IGSF21: variants seen among roughly 807,000 people sequenced by gnomAD.
IGSF21 encodes the protein immunoglobin superfamily member 21, also known as immunoglobulin superfamily member 21.
A neutral mutation model predicts 46.8 loss-of-function variants in IGSF21; 28 were observed. That is an observed-to-expected ratio of 0.60 (90% CI 0.44 to 0.82). IGSF21 has a LOEUF of 0.82. IGSF21 is among the 40% of genes least tolerant of loss of function. The probability of loss-of-function intolerance (pLI) is 0.00; values close to 1 mark genes in which losing one functional copy is unlikely to be tolerated. For missense variants in IGSF21, 624 were observed against 665.5 expected (o/e 0.94, Z 0.69); for synonymous variants, 284 against 273.6 (o/e 1.04, Z -0.38).
intron 2 of IGSF21, among the ~76,000 whole-genome samples, chr1:18,233,418 A>G (rs1336105971): frequency 6.6e-6 from 1 of 152,136 alleles, no homozygotes; most frequent in Non-Finnish European, 1.5e-5. Context: ...AGAGGCTGGG[A>G]AGGCTGAGGT....
intron 2 of IGSF21, among the ~76,000 whole-genome samples, chr1:18,272,631 G>A (rs2085053655): frequency 6.6e-6 from 1 of 152,216 alleles, no homozygotes; most frequent in Non-Finnish European, 1.5e-5. Context: ...CCATTTTCCA[G>A]CTTTGGAATG....
chr1:18,108,727 G>T (rs1203367451), intron 1 of IGSF21, among the ~76,000 whole-genome samples: 1 of 151,982 alleles, frequency 6.6e-6, no homozygotes, highest in Non-Finnish European at 1.5e-5. Flanking sequence ...GGGTATGTGA[G>T]GTTTGGCGTT....
chr1:18,376,694 C>T (rs1196917996), intron 7 of IGSF21, 106 bp from the exon 8 acceptor site: 24 of 1,097,132 alleles, frequency 2.2e-5, no homozygotes, highest in Admixed American at 6.8e-5. Context: ...CCTAACCCGT[C>T]GGATGAGAAT....
intron 2 of IGSF21, among the ~76,000 whole-genome samples, chr1:18,240,496 C>G (rs997007): frequency 0.27 from 40,592 of 152,138 alleles, 6,578 homozygotes; most frequent in Non-Finnish European, 0.35. Context: ...TTGAATGTCT[C>G]TCTCCCAGAA....
intron 4 of IGSF21, among the ~76,000 whole-genome samples, chr1:18,359,265 G>A (rs117463831): frequency 0.021 from 2,902 of 140,814 alleles, 70 homozygotes; most frequent in East Asian, 0.054. Context: ...GTAACAGAGC[G>A]AGACCCTGCC....
chr1:18,314,480 G>A (rs2124587687), intron 3 of IGSF21, among the ~76,000 whole-genome samples: 1 of 152,316 alleles, frequency 6.6e-6, no homozygotes, highest in South Asian at 2.1e-4. Flanking sequence ...TACTTTAATT[G>A]AGTGGGTTTG....
At chr1:18,219,614 T>C (rs1346463497) in intron 1 of IGSF21, among the ~76,000 whole-genome samples, 2 of 152,162 alleles carry the variant, frequency 1.3e-5, no homozygotes, top group Non-Finnish European at 2.9e-5. Flanking sequence ...GCTGCTTTGA[T>C]GTGAGCATGA....
At chr1:18,126,259 C>T (rs535857979) in intron 1 of IGSF21, among the ~76,000 whole-genome samples, 6 of 152,118 alleles carry the variant, frequency 3.9e-5, no homozygotes, top group Non-Finnish European at 8.8e-5. Context: ...GTTCCAGCTT[C>T]ACTTTGAATG....
Position 18,349,500 on chromosome 1 carries a change from G to A in IGSF21, c.425-12615G>A, listed in dbSNP as rs978377655. Among the ~76,000 whole-genome samples the A allele has an allele frequency of 3.3e-5, 5 of 152,124 alleles. No individual in the cohort carries two copies. In the South Asian group the frequency reaches 8.3e-4, roughly 25 times the overall value. ...CTGGTGAAGAGATAGGACAGGAGGC[G>A]CTGCAGGCAGAAGGAGCTATATAGG... On this transcript the variant is annotated intron_variant, in intron 4 of 9. Transcript: ENST00000251296.
intron 1 of IGSF21, among the ~76,000 whole-genome samples, chr1:18,201,543 C>T (rs1329978735): frequency 6.6e-6 from 1 of 152,126 alleles, no homozygotes; most frequent in Non-Finnish European, 1.5e-5. Context: ...TGGACAGCAC[C>T]CATGTCAACT....
chr1:18,131,118 T>C (rs1270113254), intron 1 of IGSF21, among the ~76,000 whole-genome samples: 5 of 152,130 alleles, frequency 3.3e-5, no homozygotes, highest in African/African-American at 9.7e-5. Context: ...GAAAAACCCC[T>C]CCAGAAAGAT....
At chr1:18,378,199 G>A (rs1024717455) in intron 9 of IGSF21, 57 bp from the exon 10 acceptor site, 6 of 1,453,246 alleles carry the variant, frequency 4.1e-6, no homozygotes, top group East Asian at 2.3e-5. Context: ...AGGCTCTGCT[G>A]TTCTGGAACG....
chr1:18,209,090 T>G (rs192506518), intron 1 of IGSF21, among the ~76,000 whole-genome samples: 22 of 152,218 alleles, frequency 1.4e-4, no homozygotes, highest in Admixed American at 1.4e-3. Context: ...TCTACATGAG[T>G]GTGCACATAA....
chr1:18,250,827 G>A (rs1483625403), intron 2 of IGSF21, among the ~76,000 whole-genome samples: 1 of 152,134 alleles, frequency 6.6e-6, no homozygotes, highest in Non-Finnish European at 1.5e-5. Context: ...AGACAAACAA[G>A]ATCTCTGCTT....
intron 1 of IGSF21, among the ~76,000 whole-genome samples, chr1:18,200,124 A>C (rs1364862422): frequency 6.6e-6 from 1 of 152,168 alleles, no homozygotes. Context: ...TTCTTGGTTC[A>C]CATCCGGGCT....
At chr1:18,366,385 G>A (rs2086164707) in intron 6 of IGSF21, among the ~76,000 whole-genome samples, 1 of 152,082 alleles carries the variant, frequency 6.6e-6, no homozygotes, top group Non-Finnish European at 1.5e-5. Flanking sequence ...AGCCTCAGGA[G>A]CACAAGAGAT....
At chr1:18,129,650 G>T (rs1206087487) in intron 1 of IGSF21, among the ~76,000 whole-genome samples, 1 of 152,230 alleles carries the variant, frequency 6.6e-6, no homozygotes, top group African/African-American at 2.4e-5. Context: ...AGCCTCAGCA[G>T]GTGCAGTCTC....
chr1:18,242,229 T>C (rs1489368165), intron 2 of IGSF21, among the ~76,000 whole-genome samples: 1 of 152,168 alleles, frequency 6.6e-6, no homozygotes, highest in African/African-American at 2.4e-5. Context: ...TCACCTACTC[T>C]CAGCACGGCA....
intron 6 of IGSF21, among the ~76,000 whole-genome samples, chr1:18,374,220 A>G (rs2086257015): frequency 6.6e-6 from 1 of 152,218 alleles, no homozygotes; most frequent in Non-Finnish European, 1.5e-5. Context: ...TTGAGGGTTC[A>G]TTTTAAAACC....
Sources: gnomAD v4.1 joint callset for allele counts (sites outside exome capture counted in the v4.1 genomes callset) on GRCh38, gnomAD v4.1.1 for gene constraint, MANE v1.5 for transcripts, NCBI Gene and HGNC (gene_info 2026-07-23, HGNC 2026-07-21) for gene names.